The following TARBP2 variants were observed in gnomAD, a reference collection of about 807,000 sequenced individuals.
The protein encoded by TARBP2 is TARBP2 subunit of RISC loading complex.
In TARBP2, 23 loss-of-function variants were observed where a neutral mutation model predicts 40.4. The observed-to-expected ratio is 0.57, with a 90% CI of 0.41 to 0.81. The LOEUF is 0.81. TARBP2 is among the 30% of genes least tolerant of loss of function. The pLI is 0.00. For missense variants in TARBP2, 358 were observed against 473.7 expected (o/e 0.76, Z 2.27); for synonymous variants, 183 against 190.5 (o/e 0.96, Z 0.32).
chr12:53,504,083 C>A (rs1377670229), intron 4 of TARBP2: 24 of 577,154 alleles, frequency 4.2e-5, no homozygotes, highest in Non-Finnish European at 7.1e-5. Context: ...CATGTCAGTT[C>A]TGTGTTTGAG....
At chr12:53,504,942 C>T in intron 6 of TARBP2, 127 bp downstream of exon 6, 4 of 1,431,806 alleles carry the variant, frequency 2.8e-6, no homozygotes, top group Non-Finnish European at 3.8e-6. Flanking sequence ...CTAGCTCAGC[C>T]CCTTCCTTTT....
intron 1 of TARBP2, 89 bp from the exon 2 acceptor site, chr12:53,501,926 C>A: frequency 6.5e-7 from 1 of 1,542,962 alleles, no homozygotes; most frequent in Non-Finnish European, 8.8e-7. Context: ...CTATGTCCCC[C>A]ATAATGTGCC....
upstream of TARBP2, chr12:53,501,099 A>G: frequency 2.3e-6 from 1 of 437,162 alleles, no homozygotes; most frequent in Non-Finnish European, 4.2e-6. Flanking sequence ...GGAAGGAAGG[A>G]GGCGGGACGG....
intron 4 of TARBP2, chr12:53,504,092 A>T: frequency 1.8e-6 from 1 of 570,640 alleles, no homozygotes; most frequent in South Asian, 2.3e-5. Context: ...TCTGTGTTTG[A>T]GGCCCATCAG....
rs771057883 is a variant in TARBP2, at chr12:53,502,033, C to T, written c.72C>T (p.Ala24=). The T allele has an allele frequency of 9.1e-5, 147 of 1,614,022 alleles. No individual in the cohort carries two copies. Among genetic ancestry groups the T allele is most frequent in the Non-Finnish European group, 1.2e-4 (141 of 1,180,024 alleles). Residue 24 remains alanine, a synonymous_variant, in exon 2 of 9, where the codon GCC becomes GCT. Coordinates refer to ENST00000266987, the MANE Select transcript of TARBP2 (RefSeq NM_134323.2). ...CGLPSIEQML[A]ANPGKTPISL... ...CCCCCAGTATAGAGCAAATGCTGGC[C>T]GCCAACCCAGGCAAGACCCCGATCA...
rs1182971982 is a variant in TARBP2 at position 53,506,124 on chromosome 12, C to T, written c.1077C>T (p.Leu359=). 6.2e-7 allele frequency: 1 copy of T among 1,613,930 alleles called. No individual in the cohort carries two copies. The part of the protein sequence containing the change: ...GEAARRALQY[L]KIMAGSK ...CTGCCCGCCGTGCCCTGCAGTACCT[C>T]AAGATCATGGCAGGCAGCAAGTGAA... The change falls in exon 9 of 9, where the codon CTC becomes CTT. Residue 359 remains leucine, a synonymous_variant. Transcript: ENST00000266987.
Position 53,505,607 on chromosome 12 carries a change from C to A in TARBP2, c.742-42C>A. ...TGAATGTCTCAATGCCTGGGTCCCA[C>A]AGTCTCTCGCTTCATCTTTCTCACT... On this transcript the variant is annotated intron_variant, in intron 7 of 8. Transcript: ENST00000266987. The surrounding 1 kb of genome is among the most constrained non-coding windows in gnomAD (Gnocchi z 4.5). The A allele has an allele frequency of 6.4e-7, 1 of 1,572,104 alleles. No homozygotes were observed. Among genetic ancestry groups the A allele is most frequent in the Non-Finnish European group, 8.8e-7 (1 of 1,142,816 alleles).
chr12:53,505,961 A>G lies in TARBP2; in HGVS notation c.944-30A>G. The stretch of plus-strand genomic sequence containing the variant: ...CCTCCCCAGGGCTACCTCCCCCAAC[A>G]TTGCCTCCCTCCTCTCTCTTGCTCT... On this transcript the variant is annotated intron_variant, in intron 8 of 8. Coordinates refer to ENST00000266987, the MANE Select transcript of TARBP2 (RefSeq NM_134323.2). This position sits in a 1 kb window ranked among gnomAD's most constrained non-coding sequence, Gnocchi z 4.5. 6.2e-7 allele frequency: 1 copy of G among 1,607,504 alleles called. No individual in the cohort carries two copies. Among genetic ancestry groups the G allele is most frequent in the Non-Finnish European group, 8.5e-7 (1 of 1,174,774 alleles).
At chr12:53,504,916 C>T (rs1943899838) in intron 6 of TARBP2, 101 bp downstream of exon 6, 1 of 1,484,972 alleles carries the variant, frequency 6.7e-7, no homozygotes, top group Non-Finnish European at 9.3e-7. Context: ...CCCCTGCTCT[C>T]TTAGCTTCAC....
intron 1 of TARBP2, chr12:53,501,740 CA>C (rs1044171461): frequency 1.5e-5 from 21 of 1,424,028 alleles, no homozygotes; most frequent in Middle Eastern, 2.6e-4. Flanking sequence ...TGCACTGTGT[CA>C]GGGGGTATGC....
At chr12:53,504,365 C>T (rs1007275542) in intron 4 of TARBP2, 32 bp from the exon 5 acceptor site, 2 of 1,531,168 alleles carry the variant, frequency 1.3e-6, no homozygotes, top group African/African-American at 1.4e-5. Context: ...GAACCCTTCA[C>T]CTCAACTTTG....
chr12:53,501,189 C>G, upstream of TARBP2: 1 of 581,870 alleles, frequency 1.7e-6, no homozygotes, highest in Non-Finnish European at 3.0e-6. Flanking sequence ...TGCAGCCTGC[C>G]CGGGCGAGCC....
At chr12:53,504,918 T>C in intron 6 of TARBP2, 103 bp downstream of exon 6, 4 of 1,480,596 alleles carry the variant, frequency 2.7e-6, no homozygotes, top group Non-Finnish European at 3.7e-6. Flanking sequence ...CCTGCTCTCT[T>C]AGCTTCACAG....
Position 53,505,365 on chromosome 12 carries a change from T to C in TARBP2, c.741+103T>C. On this transcript the variant is annotated intron_variant, in intron 7 of 8. Transcript: ENST00000266987. This position sits in a 1 kb window ranked among gnomAD's most constrained non-coding sequence, Gnocchi z 4.5. ...CTCAGCAGTGAGCCTCTCTGGGCCC[T>C]AGGTCTGCTTCTGCCACAGTTTTCC... The C allele has an allele frequency of 1.4e-6, 2 of 1,473,770 alleles. No homozygotes were observed. Among genetic ancestry groups the C allele is most frequent in the South Asian group, 2.8e-5 (2 of 72,288 alleles). The allele number at this position is 1,473,770 out of a possible 1,614,324, so 91.3% of individuals were successfully genotyped here.
Position 53,505,793 on chromosome 12 carries a change from C to T in TARBP2, c.886C>T (p.Arg296Cys), listed in dbSNP as rs202227515. ...GGGTGCCCTGGGCCCTGCCTGCTGC[C>T]GTGTCCTCAGTGAGCTCTCTGAGGA... ...SLGALGPACCRVLSELSEEQA... is the reference protein window; with the variant it reads ...SLGALGPACCCVLSELSEEQA... The change falls in exon 8 of 9, where the codon CGT becomes TGT. Residue 296 changes from arginine (R) to cysteine (C), a missense_variant. Physicochemically the swap from Arg to Cys is radical, Grantham distance 180. Coordinates refer to ENST00000266987, the MANE Select transcript of TARBP2 (RefSeq NM_134323.2). This position sits in a 1 kb window ranked among gnomAD's most constrained non-coding sequence, Gnocchi z 4.5. 47 of 1,613,932 alleles carry T rather than the reference C, an allele frequency of 2.9e-5. No homozygotes were observed. Among genetic ancestry groups the T allele is most frequent in the Non-Finnish European group, 3.2e-5 (38 of 1,180,010 alleles).
At chr12:53,504,913 T>C in intron 6 of TARBP2, 98 bp downstream of exon 6, 1 of 1,487,348 alleles carries the variant, frequency 6.7e-7, no homozygotes, top group Non-Finnish European at 9.2e-7. Context: ...CACCCCCTGC[T>C]CTCTTAGCTT....
intron 3 of TARBP2, 29 bp from the exon 4 acceptor site, chr12:53,503,684 G>A: frequency 6.5e-7 from 1 of 1,549,388 alleles, no homozygotes; most frequent in Non-Finnish European, 8.9e-7. Flanking sequence ...ACATGGGTGT[G>A]AATCAAAGGC....
Position 53,505,379 on chromosome 12 carries a change from CCA to C in TARBP2, c.741+120_741+121del, listed in dbSNP as rs764763134. The C allele has an allele frequency of 2.0e-4, 285 of 1,438,640 alleles. No homozygotes were observed. Among genetic ancestry groups the C allele is most frequent in the Non-Finnish European group, 2.4e-4 (263 of 1,079,436 alleles). 89.1% of individuals were successfully genotyped at this position (1,438,640 alleles called of 1,614,324 possible). Reference sequence around the variant, plus strand: ...TCTCTGGGCCCTAGGTCTGCTTCTGCCACAGTTTTCCTACCAGACCCAGGGTT... The same window carrying C: ...TCTCTGGGCCCTAGGTCTGCTTCTGCCAGTTTTCCTACCAGACCCAGGGTT... On this transcript the variant is annotated intron_variant, in intron 7 of 8. Coordinates refer to ENST00000266987, the MANE Select transcript of TARBP2 (RefSeq NM_134323.2). The surrounding 1 kb of genome is among the most constrained non-coding windows in gnomAD (Gnocchi z 4.5).
At position 53,503,193 on chromosome 12, in the gene TARBP2, C is replaced by T. The variant is rs559498806; in HGVS notation, c.326+64C>T. On this transcript the variant is annotated intron_variant, in intron 3 of 8. Transcript: ENST00000266987. The stretch of plus-strand genomic sequence containing the variant: ...GAACCCAGGCCCTGCACCACCCACT[C>T]TGCCCCGAGGCCTGGCCAGGTGACA... 35 of 1,483,696 alleles carry T rather than the reference C, an allele frequency of 2.4e-5. No individual in the cohort carries two copies. The African/African-American group carries it at 4.6e-4, about 20-fold the overall frequency. The allele number at this position is 1,483,696 out of a possible 1,614,324, so 91.9% of individuals were successfully genotyped here.
Sources: allele counts gnomAD v4.1 joint callset, GRCh38; gene constraint gnomAD v4.1.1; non-coding constraint Gnocchi (gnomAD v3.1); transcripts MANE v1.5; gene names NCBI Gene and HGNC (gene_info 2026-07-23, HGNC 2026-07-21).